AGBL1: variants seen among roughly 807,000 people sequenced by gnomAD.
AGBL1 encodes cytosolic carboxypeptidase 4.
A neutral mutation model predicts 118.9 loss-of-function variants in AGBL1; 130 were observed. That is an observed-to-expected ratio of 1.09 (90% CI 0.95 to 1.26). AGBL1 has a LOEUF of 1.26. AGBL1 is among the 50% of genes most tolerant of loss of function. The pLI is 0.00. For synonymous variants in AGBL1, 555 were observed against 478.9 expected, an observed-to-expected ratio of 1.16 and a Z score of -2.08; for missense variants, 1,584 against 1,298.1, an observed-to-expected ratio of 1.22 and a Z score of -3.38.
intron 22 of AGBL1, among the ~76,000 whole-genome samples, chr15:86,774,954 G>A (rs1262662486): frequency 6.6e-6 from 1 of 152,076 alleles, no homozygotes; most frequent in African/African-American, 2.4e-5. Context: ...AGTTTTAACT[G>A]GAAAGGAAGC....
intron 22 of AGBL1, among the ~76,000 whole-genome samples, chr15:86,893,516 C>A (rs2080080709): frequency 1.3e-5 from 2 of 152,140 alleles, no homozygotes; most frequent in African/African-American, 4.8e-5. Context: ...TTAAGATCGT[C>A]ATATCTCAAT....
chr15:86,079,832 C>T, upstream of AGBL1: 1 of 494,414 alleles, frequency 2.0e-6, no homozygotes, highest in Non-Finnish European at 3.2e-6. Context: ...ACCGCGCTGA[C>T]TTCACACTCA....
chr15:86,999,381 C>G lies in AGBL1; in HGVS notation c.3323+11293C>G, dbSNP rs774024843. Among the ~76,000 whole-genome samples, 366 of 146,620 alleles carry G rather than the reference C, an allele frequency of 2.5e-3. 3 individuals carry two copies. The highest frequency in any genetic ancestry group is 4.4e-3 in the Non-Finnish European group (297 of 66,756). On this transcript the variant is annotated intron_variant, in intron 24 of 24. Transcript: ENST00000441037. ...TGCTATCCCTCCCCCCTGCCACCAC[C>G]CCACAACAGTCCCCAGAGTGTGATA...
At chr15:86,476,407 C>CA (rs1444898479) in intron 18 of AGBL1, among the ~76,000 whole-genome samples, 1 of 151,542 alleles carries the variant, frequency 6.6e-6, no homozygotes, top group East Asian at 1.9e-4. Context: ...AAATGGAAAA[C>CA]AAAAAAAGGC....
intron 18 of AGBL1, among the ~76,000 whole-genome samples, chr15:86,402,146 T>C (rs190785204): frequency 6.6e-6 from 1 of 152,144 alleles, no homozygotes; most frequent in African/African-American, 2.4e-5. Context: ...TTTGTTTTCC[T>C]AGTAGAGATA....
At chr15:86,130,087 G>A (rs1484052886) in intron 1 of AGBL1, among the ~76,000 whole-genome samples, 2 of 152,110 alleles carry the variant, frequency 1.3e-5, no homozygotes. Flanking sequence ...AAAGGGCAGG[G>A]ATCTTGAACT....
chr15:86,651,766 C>G (rs1882254610), intron 21 of AGBL1, among the ~76,000 whole-genome samples: 1 of 152,190 alleles, frequency 6.6e-6, no homozygotes, highest in Non-Finnish European at 1.5e-5. Flanking sequence ...AAACCTGCCA[C>G]TGAGTACGTT....
At chr15:86,445,523 C>T (rs1329828428) in intron 18 of AGBL1, among the ~76,000 whole-genome samples, 1 of 152,196 alleles carries the variant, frequency 6.6e-6, no homozygotes, top group Non-Finnish European at 1.5e-5. Flanking sequence ...CACCACTGAG[C>T]ACTCCTTGTT....
intron 24 of AGBL1, among the ~76,000 whole-genome samples, chr15:87,021,337 TAACTC>T (rs774011846): frequency 3.3e-5 from 5 of 152,064 alleles, no homozygotes; most frequent in Non-Finnish European, 7.4e-5. Context: ...ATACAAACAT[TAACTC>T]AAGATGGTTT....
intron 22 of AGBL1, among the ~76,000 whole-genome samples, chr15:86,757,817 G>T (rs1341144857): frequency 6.6e-6 from 1 of 152,036 alleles, no homozygotes; most frequent in Non-Finnish European, 1.5e-5. Flanking sequence ...GAGTGCTCCT[G>T]CCGTGGCTGG....
rs146531627 is a variant in AGBL1, at chr15:86,274,282, T to C, written c.2075+2576T>C. Among the ~76,000 whole-genome samples the C allele has an allele frequency of 4.1e-3, 620 of 152,302 alleles. 5 individuals are homozygous for C. Among genetic ancestry groups the C allele is most frequent in the African/African-American group, 0.014 (577 of 41,580 alleles). ...TAGTCTTTTTGGTAATTTTGAGAAA[T>C]TTTGATTAACTTTCTAGATCTGATT... is the stretch of plus-strand genomic sequence containing the variant. On this transcript the variant is annotated intron_variant, in intron 15 of 22. Coordinates refer to ENST00000614907, the MANE Select transcript of AGBL1 (RefSeq NM_001386094.1).
At chr15:86,298,245 TAATATA>T (rs1416557616) in intron 17 of AGBL1, among the ~76,000 whole-genome samples, 8 of 39,626 alleles carry the variant, frequency 2.0e-4, no homozygotes, top group African/African-American at 8.2e-4. Flanking sequence ...TGTCTGTGTA[TAATATA>T]TATATATATA....
chr15:86,405,792 G>T (rs768215960), intron 18 of AGBL1, among the ~76,000 whole-genome samples: 2 of 151,996 alleles, frequency 1.3e-5, no homozygotes, highest in African/African-American at 2.4e-5. Context: ...CTAATACAAG[G>T]TTCGCGCAAG....
chr15:86,874,535 G>A (rs1300851504), intron 22 of AGBL1, among the ~76,000 whole-genome samples: 2 of 152,088 alleles, frequency 1.3e-5, no homozygotes, highest in African/African-American at 2.4e-5. Context: ...TCTTATTGAA[G>A]GAGTACCAGA....
intron 18 of AGBL1, among the ~76,000 whole-genome samples, chr15:86,412,200 A>G (rs1481569471): frequency 6.6e-6 from 1 of 152,198 alleles, no homozygotes; most frequent in Non-Finnish European, 1.5e-5. Flanking sequence ...CATTCACCCT[A>G]ACATCCGTGG....
At chr15:86,345,958 T>G (rs1431544952) in intron 17 of AGBL1, among the ~76,000 whole-genome samples, 1 of 152,174 alleles carries the variant, frequency 6.6e-6, no homozygotes. Flanking sequence ...ATTCTCTCTT[T>G]TCTTTTGACT....
Position 86,546,221 on chromosome 15 carries a change from G to GTGTT in AGBL1, c.2817+89_2817+90insGTTT. The GTGTT allele has an allele frequency of 5.6e-6, 6 of 1,063,742 alleles. No homozygotes were observed. The South Asian group carries it at 1.4e-4, about 24-fold the overall frequency. The allele number at this position is 1,063,742 out of a possible 1,614,324, so 65.9% of individuals were successfully genotyped here. ...AGACCATGCCCCACTCATTTATTTA[G>GTGTT]TTTTTTTTTTTTTTTGTAAATAAGC... is the stretch of plus-strand genomic sequence containing the variant. On this transcript the variant is annotated intron_variant, in intron 20 of 22. Transcript: ENST00000614907.
At chr15:86,233,929 C>T (rs1158759579) in intron 6 of AGBL1, among the ~76,000 whole-genome samples, 1 of 152,088 alleles carries the variant, frequency 6.6e-6, no homozygotes, top group Non-Finnish European at 1.5e-5. Flanking sequence ...AGGGTGTTCC[C>T]AGGCACCCAT....
intron 18 of AGBL1, among the ~76,000 whole-genome samples, chr15:86,450,683 A>G (rs1226796550): frequency 6.6e-6 from 1 of 152,208 alleles, no homozygotes; most frequent in Non-Finnish European, 1.5e-5. Context: ...TGGCTTAGTT[A>G]TGTACTGACT....
Sources: allele counts gnomAD v4.1 joint callset (sites outside exome capture counted in the v4.1 genomes callset), GRCh38; gene constraint gnomAD v4.1.1; transcripts MANE v1.5; gene names NCBI Gene and HGNC (gene_info 2026-07-23, HGNC 2026-07-21).